DAB1: variants seen among roughly 807,000 people sequenced by gnomAD.
DAB1 encodes DAB adaptor protein 1, also known as disabled homolog 1.
DAB1 carries 15 observed loss-of-function variants against 64.6 expected under a neutral mutation model. The observed-to-expected ratio is 0.23, with a 90% CI of 0.16 to 0.36. DAB1 has a LOEUF of 0.36. Among genes scored for constraint, DAB1 ranks in the 10% least tolerant of loss-of-function variants. The pLI, the probability that DAB1 is intolerant of heterozygous loss-of-function variation, is 1.00. For synonymous variants in DAB1, 235 were observed against 251.9 expected, an observed-to-expected ratio of 0.93 and a Z score of 0.64; for missense variants, 596 against 706.7, an observed-to-expected ratio of 0.84 and a Z score of 1.78.
At chr1:58,303,724 G>A (rs1662226314) in intron 4 of DAB1, among the ~76,000 whole-genome samples, 1 of 152,180 alleles carries the variant, frequency 6.6e-6, no homozygotes, top group Admixed American at 6.5e-5. Context: ...ACAAGGCAAG[G>A]TCTGAGCAAG....
At chr1:58,397,394 C>T (rs1644532394) in intron 3 of DAB1, among the ~76,000 whole-genome samples, 1 of 152,226 alleles carries the variant, frequency 6.6e-6, no homozygotes, top group African/African-American at 2.4e-5. Context: ...GGGACCAGAA[C>T]AGGCTTTGGA....
chr1:57,670,533 C>G (rs902940066), intron 6 of DAB1, among the ~76,000 whole-genome samples: 1 of 152,090 alleles, frequency 6.6e-6, no homozygotes, highest in Non-Finnish European at 1.5e-5. Flanking sequence ...AAACTGCAAT[C>G]TTTGTGACTT....
At position 57,931,711 on chromosome 1, in the gene DAB1, T is replaced by A. The variant is rs368085714; in HGVS notation, n.388-47549A>T. 1.4e-3 allele frequency among the ~76,000 whole-genome samples: 209 copies of A among 152,306 alleles called. 8 individuals are homozygous for A. The South Asian group carries it at 0.041, about 30-fold the overall frequency. On this transcript the variant is annotated intron_variant and non_coding_transcript_variant, in intron 5 of 20. Transcript: ENST00000485760. ...TAGTGATATCTCCTCTTTTATTTCT[T>A]ATATTTGCAATTTGTGTCCTTTGTC...
chr1:58,379,491 GTTTGT>G (rs1644368257), intron 3 of DAB1, among the ~76,000 whole-genome samples: 1 of 152,116 alleles, frequency 6.6e-6, no homozygotes, highest in South Asian at 2.1e-4. Flanking sequence ...TTAGCTAACC[GTTTGT>G]TTTAAGATAA....
At chr1:57,273,553 GCCTTCCTTCCTTCCTT>G (rs1191588175) in intron 2 of DAB1, among the ~76,000 whole-genome samples, 55 of 62,028 alleles carry the variant, frequency 8.9e-4, no homozygotes, top group Middle Eastern at 0.012. Context: ...CTGCCTGCCT[GCCTTCCTTCCTTCCTT>G]CCTTCCTTCC....
intron 2 of DAB1, among the ~76,000 whole-genome samples, chr1:57,286,586 T>A (rs553982147): frequency 8.5e-5 from 13 of 152,306 alleles, no homozygotes; most frequent in African/African-American, 3.1e-4. Context: ...GCAATAAGCA[T>A]ATATAGCTTT....
intron 1 of DAB1, among the ~76,000 whole-genome samples, chr1:57,377,358 T>G (rs980965633): frequency 5.9e-5 from 9 of 152,002 alleles, no homozygotes; most frequent in African/African-American, 1.4e-4. Flanking sequence ...GGTCTAGGTA[T>G]GCCCACATCA....
At chr1:57,858,165 C>G (rs1163933871) in intron 1 of DAB1, among the ~76,000 whole-genome samples, 1 of 152,114 alleles carries the variant, frequency 6.6e-6, no homozygotes, top group Non-Finnish European at 1.5e-5. Context: ...CTCACCCATT[C>G]GATTCTAGTT....
rs61333011 is a variant in DAB1 at position 58,334,303 on chromosome 1, A to G, written n.309+9049T>C. The stretch of plus-strand genomic sequence containing the variant: ...GTTGCAATATTAAATATATATGTAT[A>G]TATATGTATGAGCTGAATCCAGCCC... On this transcript the variant is annotated intron_variant and non_coding_transcript_variant, in intron 4 of 20. Transcript: ENST00000485760. 3.2e-3 allele frequency among the ~76,000 whole-genome samples: 492 copies of G among 152,260 alleles called. 2 individuals are homozygous for G. The highest frequency in any genetic ancestry group is 0.011 in the African/African-American group (477 of 41,548).
chr1:58,391,050 C>A (rs1451715674), intron 3 of DAB1, among the ~76,000 whole-genome samples: 1 of 152,160 alleles, frequency 6.6e-6, no homozygotes, highest in Non-Finnish European at 1.5e-5. Flanking sequence ...ATATATCAGC[C>A]AGGAAAACTA....
At chr1:57,441,286 CTTTCTTTCTTTCTTTCTTT>C (rs1685941636) in intron 7 of DAB1, among the ~76,000 whole-genome samples, 5 of 28,422 alleles carry the variant, frequency 1.8e-4, no homozygotes, top group African/African-American at 4.0e-4. Flanking sequence ...TTCTTTCTTT[CTTTCTTTCTTTCTTTCTTT>C]CTTTCTTTCT....
At chr1:57,743,297 G>A (rs568227729) in intron 6 of DAB1, among the ~76,000 whole-genome samples, 2 of 152,262 alleles carry the variant, frequency 1.3e-5, no homozygotes, top group Non-Finnish European at 2.9e-5. Flanking sequence ...ACTGATCAAT[G>A]TACTTTGTAA....
At chr1:58,346,848 T>G (rs1644005843) in intron 3 of DAB1, among the ~76,000 whole-genome samples, 1 of 152,218 alleles carries the variant, frequency 6.6e-6, no homozygotes. Flanking sequence ...ATGAATTCTG[T>G]GGCCACACTG....
chr1:57,375,328 A>G (rs1315558528), intron 1 of DAB1, among the ~76,000 whole-genome samples: 2 of 152,216 alleles, frequency 1.3e-5, no homozygotes, highest in Non-Finnish European at 2.9e-5. Flanking sequence ...AGATCACTTA[A>G]GCAGGGGCAG....
In DAB1 at chr1:57,702,435, C is replaced by A. The variant is rs568982847; in HGVS notation, n.552-52770G>T. 1.4e-3 allele frequency among the ~76,000 whole-genome samples: 220 copies of A among 152,236 alleles called. 1 individual carries two copies. Among genetic ancestry groups the A allele is most frequent in the African/African-American group, 5.1e-3 (212 of 41,556 alleles). On this transcript the variant is annotated intron_variant and non_coding_transcript_variant, in intron 6 of 20. Coordinates refer to the DAB1 transcript ENST00000485760. ...AGGCATAATTCAAAGGGTGTTGCTC[C>A]TCCAGGATGCCATTTCTAGTCCTGC...
intron 5 of DAB1, among the ~76,000 whole-genome samples, chr1:57,949,505 ATCTATATCTG>A (rs1557572260): frequency 5.1e-4 from 75 of 147,744 alleles, no homozygotes; most frequent in South Asian, 1.3e-3. Context: ...CTATCTATCT[ATCTATATCTG>A]TCTGTCTGTC....
chr1:57,170,821 C>T lies in DAB1; in HGVS notation c.68-25392G>A, dbSNP rs1661678114. Among the ~76,000 whole-genome samples, 4 of 152,294 alleles carry T rather than the reference C, an allele frequency of 2.6e-5. No individual in the cohort carries two copies. In the South Asian group the frequency reaches 8.3e-4, roughly 32 times the overall value. On this transcript the variant is annotated intron_variant, in intron 2 of 14. Coordinates refer to ENST00000371236, the MANE Select transcript of DAB1 (RefSeq NM_001365792.1). The stretch of plus-strand genomic sequence containing the variant: ...TTTTGGAGGGGTCAGGGGTTGGCTA[C>T]TCTTGCTCGCGGTATCTGCGTGGAG...
chr1:57,445,482 G>A (rs1686106772), intron 7 of DAB1, among the ~76,000 whole-genome samples: 2 of 151,968 alleles, frequency 1.3e-5, no homozygotes, highest in Admixed American at 1.3e-4. Context: ...AGAATCATTT[G>A]GTACATTGCT....
intron 6 of DAB1, among the ~76,000 whole-genome samples, chr1:57,700,515 C>T (rs145241973): frequency 8.5e-5 from 13 of 152,282 alleles, no homozygotes; most frequent in African/African-American, 3.1e-4. Flanking sequence ...TGTCACCCCA[C>T]TCACTCCTGG....
Sources: allele counts gnomAD v4.1 joint callset (sites outside exome capture counted in the v4.1 genomes callset), GRCh38; gene constraint gnomAD v4.1.1; transcripts MANE v1.5; gene names NCBI Gene and HGNC (gene_info 2026-07-23, HGNC 2026-07-21).